Variants in SDK1 observed in about 807,000 individuals in gnomAD.
SDK1 encodes sidekick cell adhesion molecule 1.
Under a neutral mutation model 245.5 loss-of-function variants are expected in SDK1, and 157 were observed. That is an observed-to-expected ratio of 0.64 (90% CI 0.56 to 0.73). The LOEUF (loss-of-function observed/expected upper bound fraction) is 0.73. Ranked by LOEUF, SDK1 falls within the 30% of genes least tolerant of loss-of-function variation. The probability of loss-of-function intolerance (pLI) is 0.00; values close to 1 mark genes in which losing one functional copy is unlikely to be tolerated. For missense variants in SDK1, 3,583 were observed against 3,002.3 expected (o/e 1.19, Z -4.52); for synonymous variants, 1,647 against 1,278.5 (o/e 1.29, Z -6.15).
At chr7:4,201,379 T>C (rs1783870813) in intron 35 of SDK1, among the ~76,000 whole-genome samples, 1 of 152,226 alleles carries the variant, frequency 6.6e-6, no homozygotes, top group African/African-American at 2.4e-5. Flanking sequence ...CTATTTCCCA[T>C]AGTTCCTTAG....
At chr7:3,627,620 T>C (rs1782161221) in intron 2 of SDK1, among the ~76,000 whole-genome samples, 1 of 152,234 alleles carries the variant, frequency 6.6e-6, no homozygotes, top group Non-Finnish European at 1.5e-5. Flanking sequence ...TTGCCACGTT[T>C]GGCATCTGGC....
intron 9 of SDK1, among the ~76,000 whole-genome samples, chr7:3,965,910 A>G (rs944284896): frequency 4.0e-5 from 6 of 151,898 alleles, no homozygotes; most frequent in Non-Finnish European, 7.4e-5. Flanking sequence ...CAAGCTCGGC[A>G]TGTGTGCAGG....
intron 5 of SDK1, among the ~76,000 whole-genome samples, chr7:3,914,114 G>A (rs1779284332): frequency 6.6e-6 from 1 of 152,200 alleles, no homozygotes; most frequent in East Asian, 1.9e-4. Flanking sequence ...TGCATTTAGT[G>A]CAAACCCATT....
At chr7:4,086,281 A>G (rs1020299820) in intron 22 of SDK1, among the ~76,000 whole-genome samples, 7 of 152,288 alleles carry the variant, frequency 4.6e-5, no homozygotes, top group African/African-American at 1.7e-4. Context: ...TGGGATGTGT[A>G]TTAGTATTAT....
Position 3,648,598 on chromosome 7 carries a change from C to A in SDK1, c.713+6493C>A, listed in dbSNP as rs535210788. Reference sequence around the variant, plus strand: ...ACTTATTACCATTTCATTTCAATTTCTTCAAGAAAGATTTGTTTAAATTAG... The same window carrying A: ...ACTTATTACCATTTCATTTCAATTTATTCAAGAAAGATTTGTTTAAATTAG... On this transcript the variant is annotated intron_variant, in intron 4 of 44. Coordinates refer to ENST00000404826, the MANE Select transcript of SDK1 (RefSeq NM_152744.4). 7.2e-5 allele frequency among the ~76,000 whole-genome samples: 11 copies of A among 152,302 alleles called. No individual in the cohort carries two copies. In the South Asian group the frequency reaches 2.3e-3, roughly 32 times the overall value.
At chr7:3,312,888 C>T (rs79942381) in intron 1 of SDK1, among the ~76,000 whole-genome samples, 3,265 of 152,090 alleles carry the variant, frequency 0.021, 132 homozygotes, top group African/African-American at 0.074. Context: ...TTTCAAGAAC[C>T]GTAGTAAACC....
intron 1 of SDK1, among the ~76,000 whole-genome samples, chr7:3,393,901 A>G (rs1317377555): frequency 6.6e-6 from 1 of 151,970 alleles, no homozygotes; most frequent in African/African-American, 2.4e-5. Context: ...ATGCTTGTGG[A>G]TGTTTGTCAG....
At chr7:3,811,898 G>A (rs773373714) in intron 4 of SDK1, among the ~76,000 whole-genome samples, 3 of 152,220 alleles carry the variant, frequency 2.0e-5, no homozygotes, top group Non-Finnish European at 2.9e-5. Context: ...ACTTTCAAAA[G>A]CTATCACTAG....
At position 4,206,008 on chromosome 7, in the gene SDK1, G is replaced by C; in HGVS notation, c.5214+14G>C. The C allele has an allele frequency of 6.7e-7, 1 of 1,498,118 alleles. No individual in the cohort carries two copies. Among genetic ancestry groups the C allele is most frequent in the South Asian group, 1.3e-5 (1 of 77,920 alleles). The allele number at this position is 1,498,118 out of a possible 1,614,324, so 92.8% of individuals were successfully genotyped here. ...CAAGGCTACAAGGCAAGGCCCTCCC[G>C]TGCGGTTGCCTCCCCTGGCTCGCTT... On this transcript the variant is annotated intron_variant, in intron 36 of 44. Coordinates refer to ENST00000404826, the MANE Select transcript of SDK1 (RefSeq NM_152744.4).
intron 1 of SDK1, among the ~76,000 whole-genome samples, chr7:3,445,580 T>A (rs1780317971): frequency 6.6e-6 from 1 of 152,202 alleles, no homozygotes; most frequent in Non-Finnish European, 1.5e-5. Context: ...ACCTGGTTGC[T>A]CCTAATGGAT....
intron 22 of SDK1, among the ~76,000 whole-genome samples, chr7:4,110,151 C>T (rs1783244282): frequency 6.6e-6 from 1 of 152,168 alleles, no homozygotes; most frequent in South Asian, 2.1e-4. Context: ...AAGGACCTTC[C>T]TTATGCCGTG....
chr7:3,658,294 C>T (rs915624709), intron 4 of SDK1, among the ~76,000 whole-genome samples: 5 of 152,176 alleles, frequency 3.3e-5, no homozygotes, highest in East Asian at 1.9e-4. Flanking sequence ...CTAATTCCTA[C>T]AGCATTTGCT....
rs1438150783 is a variant in SDK1 at position 3,872,406 on chromosome 7, GTTTTA to G, written c.847+50833_847+50837del. Among the ~76,000 whole-genome samples, 3 of 151,944 alleles carry G rather than the reference GTTTTA, an allele frequency of 2.0e-5. No individual in the cohort carries two copies. In the East Asian group the frequency reaches 5.8e-4, roughly 29 times the overall value. The stretch of plus-strand genomic sequence containing the variant: ...TTTAACTAGTGACACTGAGTCTGGA[GTTTTA>G]TTTTATTTTGTTTTTAAAGGTTTCA... On this transcript the variant is annotated intron_variant, in intron 5 of 44. Coordinates refer to ENST00000404826, the MANE Select transcript of SDK1 (RefSeq NM_152744.4).
At chr7:3,724,797 C>G (rs956005703) in intron 4 of SDK1, among the ~76,000 whole-genome samples, 1 of 152,218 alleles carries the variant, frequency 6.6e-6, no homozygotes. Flanking sequence ...CCACCTACCT[C>G]TTACAACCCT....
chr7:3,987,749 C>T (rs762463793), intron 14 of SDK1, among the ~76,000 whole-genome samples: 80 of 152,210 alleles, frequency 5.3e-4, no homozygotes, highest in Admixed American at 1.8e-3. Flanking sequence ...CTTCCTGACT[C>T]ACCTTCCAGG....
At chr7:3,783,242 A>G (rs563662041) in intron 4 of SDK1, among the ~76,000 whole-genome samples, 1 of 152,358 alleles carries the variant, frequency 6.6e-6, no homozygotes, top group African/African-American at 2.4e-5. Flanking sequence ...GTGTGAGAGA[A>G]TCCCACAATT....
chr7:3,421,922 C>T (rs1271281808), intron 1 of SDK1, among the ~76,000 whole-genome samples: 1 of 152,152 alleles, frequency 6.6e-6, no homozygotes, highest in African/African-American at 2.4e-5. Flanking sequence ...GTAATCCCAG[C>T]ACTTCTGGAG....
intron 17 of SDK1, among the ~76,000 whole-genome samples, chr7:4,038,215 C>T (rs927128401): frequency 2.6e-5 from 4 of 152,204 alleles, no homozygotes; most frequent in African/African-American, 7.2e-5. Flanking sequence ...CCCAGAGGAT[C>T]GACTGAGGCC....
At chr7:3,827,803 T>C (rs1779813428) in intron 5 of SDK1, among the ~76,000 whole-genome samples, 1 of 152,102 alleles carries the variant, frequency 6.6e-6, no homozygotes, top group Admixed American at 6.5e-5. Context: ...GGCCACATAT[T>C]GAGCCACAAG....
Sources: gnomAD v4.1 joint callset for allele counts (sites outside exome capture counted in the v4.1 genomes callset) on GRCh38, gnomAD v4.1.1 for gene constraint, MANE v1.5 for transcripts, NCBI Gene and HGNC (gene_info 2026-07-23, HGNC 2026-07-21) for gene names.